The following ITPR1 variants were observed in gnomAD, a reference collection of about 807,000 sequenced individuals.
ITPR1 encodes the protein inositol 1,4,5-trisphosphate-gated calcium channel ITPR1.
In ITPR1, 96 loss-of-function variants were observed where a neutral mutation model predicts 318.4. That is an observed-to-expected ratio of 0.30 (90% CI 0.26 to 0.36). The LOEUF (loss-of-function observed/expected upper bound fraction) is 0.36. Among genes scored for constraint, ITPR1 ranks in the 10% least tolerant of loss-of-function variants. The pLI is 1.00. For missense variants in ITPR1, 2,440 were observed against 3,460.2 expected (o/e 0.71, Z 7.40); for synonymous variants, 1,312 against 1,289.9 (o/e 1.02, Z -0.37).
chr3:4,614,968 G>A (rs1575730928), intron 4 of ITPR1, among the ~76,000 whole-genome samples: 1 of 152,190 alleles, frequency 6.6e-6, no homozygotes, highest in Non-Finnish European at 1.5e-5. Flanking sequence ...GCAAACAACA[G>A]AAACTGACTA....
chr3:4,680,274 C>T (rs1246163833), intron 24 of ITPR1, among the ~76,000 whole-genome samples: 1 of 152,042 alleles, frequency 6.6e-6, no homozygotes, highest in African/African-American at 2.4e-5. Context: ...ATTTATGGAG[C>T]CAGGAGTGAG....
At position 4,779,815 on chromosome 3, in the gene ITPR1, T is replaced by G. The variant is rs368856825; in HGVS notation, c.6387+170T>G. The stretch of plus-strand genomic sequence containing the variant: ...TGAGTAGAGAAGTGAAATATTTTGG[T>G]TGGTGCAAAAGTAATCGCGGTTTTT... On this transcript the variant is annotated intron_variant, in intron 49 of 61. Transcript: ENST00000649015. The surrounding 1 kb of genome is among the most constrained non-coding windows in gnomAD (Gnocchi z 4.0). Among the ~76,000 whole-genome samples, 32 of 151,172 alleles carry G rather than the reference T, an allele frequency of 2.1e-4. 1 individual carries two copies. The South Asian group carries it at 6.3e-3, about 30-fold the overall frequency.
chr3:4,719,213 A>T (rs2125296034), intron 40 of ITPR1, among the ~76,000 whole-genome samples: 1 of 152,346 alleles, frequency 6.6e-6, no homozygotes, highest in African/African-American at 2.4e-5. Flanking sequence ...ATGTTCTGGC[A>T]GCCACTCAGA....
In ITPR1 at chr3:4,670,821, T is replaced by C; in HGVS notation, c.2099T>C (p.Phe700Ser). 6.2e-7 allele frequency: 1 copy of C among 1,610,600 alleles called. No individual in the cohort carries two copies. Among genetic ancestry groups the C allele is most frequent in the Non-Finnish European group, 8.5e-7 (1 of 1,178,438 alleles). ...AGEDEEEVWLFWRDSNKEIRS... is the reference protein window; with the variant it reads ...AGEDEEEVWLSWRDSNKEIRS... Reference sequence around the variant, plus strand: ...GAAGACGAGGAAGAGGTGTGGCTGTTTTGGAGGGACAGCAACAAAGAGATT... The same window carrying C: ...GAAGACGAGGAAGAGGTGTGGCTGTCTTGGAGGGACAGCAACAAAGAGATT... Residue 700 changes from phenylalanine to serine, a missense_variant, in exon 20 of 62, where the codon TTT (phenylalanine) becomes TCT (serine). Transcript: ENST00000649015.
intron 40 of ITPR1, among the ~76,000 whole-genome samples, chr3:4,720,625 C>T (rs1454834544): frequency 6.6e-6 from 1 of 152,184 alleles, no homozygotes; most frequent in South Asian, 2.1e-4. Flanking sequence ...ACTGTGGAAT[C>T]TCTGGAGCCA....
intron 55 of ITPR1, among the ~76,000 whole-genome samples, chr3:4,808,335 C>A (rs911224400): frequency 1.3e-5 from 2 of 152,230 alleles, no homozygotes; most frequent in Non-Finnish European, 2.9e-5. Flanking sequence ...GAGAGCCTCA[C>A]AACTCTGTTG....
At chr3:4,668,827 G>C (rs192820437) in intron 18 of ITPR1, among the ~76,000 whole-genome samples, 1 of 152,324 alleles carries the variant, frequency 6.6e-6, no homozygotes, top group African/African-American at 2.4e-5. Context: ...AGTATAATCA[G>C]TAAGAGTCTT....
At chr3:4,749,937 C>T (rs771466757) in intron 44 of ITPR1, 2 of 152,766 alleles carry the variant, frequency 1.3e-5, no homozygotes, top group Non-Finnish European at 2.9e-5. Context: ...TTGTGTTTCC[C>T]TGTGCAGTGC....
At chr3:4,843,346 CT>C (rs368630426) in intron 61 of ITPR1, among the ~76,000 whole-genome samples, 155 of 152,266 alleles carry the variant, frequency 1.0e-3, no homozygotes, top group African/African-American at 3.6e-3. Context: ...ACACAAATTA[CT>C]TTTTTTAAAA....
At chr3:4,844,774 T>G (rs1275416731) in intron 61 of ITPR1, among the ~76,000 whole-genome samples, 2 of 152,244 alleles carry the variant, frequency 1.3e-5, no homozygotes, top group Non-Finnish European at 2.9e-5. Flanking sequence ...AAAAGCTACC[T>G]TTTGGAAATA....
intron 4 of ITPR1, among the ~76,000 whole-genome samples, chr3:4,589,008 C>T (rs1268606688): frequency 2.0e-5 from 3 of 152,152 alleles, no homozygotes; most frequent in African/African-American, 7.2e-5. Flanking sequence ...TCCCAGACTT[C>T]TTTGACTGCA....
At chr3:4,667,652 G>A (rs1458944235) in intron 18 of ITPR1, 103 bp downstream of exon 18, 3 of 1,133,830 alleles carry the variant, frequency 2.6e-6, no homozygotes, top group Non-Finnish European at 3.7e-6. Context: ...CTAGTGACAA[G>A]TTTTGATTAG....
chr3:4,747,063 G>C (rs1056363040), intron 44 of ITPR1, among the ~76,000 whole-genome samples: 1 of 152,178 alleles, frequency 6.6e-6, no homozygotes, highest in East Asian at 1.9e-4. Flanking sequence ...ATTTTAAAGG[G>C]GACCTTCTTT....
At chr3:4,810,249 G>T (rs1362591677) in intron 55 of ITPR1, among the ~76,000 whole-genome samples, 1 of 152,170 alleles carries the variant, frequency 6.6e-6, no homozygotes, top group Non-Finnish European at 1.5e-5. Context: ...TTCTGTACAG[G>T]ATTAGACAGC....
intron 18 of ITPR1, among the ~76,000 whole-genome samples, chr3:4,668,604 A>T (rs2094003463): frequency 6.6e-6 from 1 of 152,040 alleles, no homozygotes; most frequent in Admixed American, 6.6e-5. Context: ...AGTAGCTGCG[A>T]CTACAGGCAC....
chr3:4,592,917 A>G (rs1379882598), intron 4 of ITPR1, among the ~76,000 whole-genome samples: 1 of 152,150 alleles, frequency 6.6e-6, no homozygotes, highest in Non-Finnish European at 1.5e-5. Flanking sequence ...TCCCTTAGGA[A>G]ATATGAGAAG....
intron 55 of ITPR1, among the ~76,000 whole-genome samples, chr3:4,808,643 C>G (rs1377433318): frequency 6.6e-6 from 1 of 152,200 alleles, no homozygotes; most frequent in African/African-American, 2.4e-5. Flanking sequence ...GGTATCAAAG[C>G]AGTACTCAAT....
chr3:4,712,515 C>G lies in ITPR1; in HGVS notation c.5103+647C>G, dbSNP rs367690275. The stretch of plus-strand genomic sequence containing the variant: ...ACAAATGATGGGCGTGAATTGAAAT[C>G]TCACTCATTTTCATTTGAAGGTAAT... On this transcript the variant is annotated intron_variant, in intron 39 of 61. Transcript: ENST00000649015. Among the ~76,000 whole-genome samples the G allele has an allele frequency of 9.2e-5, 14 of 152,338 alleles. No individual in the cohort carries two copies. The East Asian group carries it at 9.6e-4, about 10-fold the overall frequency.
At chr3:4,673,053 C>T (rs2094119112) in intron 20 of ITPR1, 83 bp from the exon 21 acceptor site, 9 of 1,450,698 alleles carry the variant, frequency 6.2e-6, no homozygotes, top group African/African-American at 2.8e-5. Context: ...ACTCCCATGA[C>T]AGTCAGGGCT....
Sources: allele counts gnomAD v4.1 joint callset (sites outside exome capture counted in the v4.1 genomes callset), GRCh38; gene constraint gnomAD v4.1.1; non-coding constraint Gnocchi (gnomAD v3.1); transcripts MANE v1.5; gene names NCBI Gene and HGNC (gene_info 2026-07-23, HGNC 2026-07-21).